The following STK3 variants were observed in gnomAD, a reference collection of about 807,000 sequenced individuals.
STK3 encodes serine/threonine-protein kinase 3.
In STK3, 41 loss-of-function variants were observed where a neutral mutation model predicts 58.0. The ratio of observed to expected loss-of-function variants is 0.71; its 90% CI spans 0.55 to 0.92. The LOEUF (loss-of-function observed/expected upper bound fraction) is 0.92, where lower values mean the gene tolerates loss of function less well. Among genes scored for constraint, STK3 ranks in the 40% least tolerant of loss-of-function variants. STK3 has a pLI of 0.00. For synonymous variants in STK3, 170 were observed against 191.0 expected, an observed-to-expected ratio of 0.89 and a Z score of 0.91; for missense variants, 479 against 602.7, an observed-to-expected ratio of 0.79 and a Z score of 2.15.
At chr8:98,913,112 T>C (rs1455588008) in intron 1 of STK3, among the ~76,000 whole-genome samples, 1 of 145,970 alleles carries the variant, frequency 6.9e-6, no homozygotes, top group African/African-American at 2.6e-5. Flanking sequence ...TTTTAAAAAT[T>C]AGGGGTTCAC....
intron 3 of STK3, among the ~76,000 whole-genome samples, chr8:98,852,980 C>T (rs1026965425): frequency 3.9e-5 from 6 of 151,992 alleles, no homozygotes; most frequent in African/African-American, 1.2e-4. Context: ...AATAAAGGCT[C>T]AGCTTTTATA....
At chr8:98,519,833 T>C (rs1353090142) in intron 10 of STK3, among the ~76,000 whole-genome samples, 1 of 152,134 alleles carries the variant, frequency 6.6e-6, no homozygotes, top group East Asian at 1.9e-4. Context: ...TCAGAGTAAT[T>C]AAGAAATGTT....
intron 4 of STK3, among the ~76,000 whole-genome samples, chr8:98,711,044 T>G (rs940267123): frequency 4.6e-5 from 7 of 152,204 alleles, no homozygotes; most frequent in African/African-American, 1.4e-4. Flanking sequence ...GGAGTGGACC[T>G]CCAGCAAACT....
intron 3 of STK3, among the ~76,000 whole-genome samples, chr8:98,412,144 G>A (rs970484477): frequency 6.6e-6 from 1 of 152,162 alleles, no homozygotes; most frequent in African/African-American, 2.4e-5. Flanking sequence ...TGCTGCCTGC[G>A]ATAGTAGCTC....
At chr8:98,495,359 C>T (rs2131338849) in intron 10 of STK3, among the ~76,000 whole-genome samples, 1 of 152,172 alleles carries the variant, frequency 6.6e-6, no homozygotes, top group Non-Finnish European at 1.5e-5. Flanking sequence ...TTCTATATTA[C>T]AGGTACTTTT....
intron 10 of STK3, among the ~76,000 whole-genome samples, chr8:98,462,643 A>G (rs913852172): frequency 2.0e-4 from 31 of 152,134 alleles, no homozygotes; most frequent in Admixed American, 3.3e-4. Context: ...AGAGAACTTC[A>G]AAGTACTCAC....
At chr8:98,627,111 G>A (rs1348058097) in intron 6 of STK3, among the ~76,000 whole-genome samples, 1 of 152,172 alleles carries the variant, frequency 6.6e-6, no homozygotes, top group Non-Finnish European at 1.5e-5. Flanking sequence ...AGGCGCAGTG[G>A]CTCATGCTTG....
At chr8:98,681,326 C>T (rs1823631915) in intron 6 of STK3, among the ~76,000 whole-genome samples, 1 of 151,876 alleles carries the variant, frequency 6.6e-6, no homozygotes, top group South Asian at 2.1e-4. Context: ...TACTCTCTAA[C>T]CCCCAAAGCG....
chr8:98,365,491 A>G, the STK3 span, among the ~76,000 whole-genome samples: 66 of 152,360 alleles, frequency 4.3e-4, 1 homozygote, highest in South Asian at 0.012. Context: ...TATTTTTAAA[A>G]GGAAAAATCA....
At chr8:98,375,517 C>T (rs899929131) in intron 2 of STK3, among the ~76,000 whole-genome samples, 7 of 152,160 alleles carry the variant, frequency 4.6e-5, no homozygotes, top group Non-Finnish European at 1.0e-4. Flanking sequence ...TGAACTGTTT[C>T]ATCACCTGTA....
intron 6 of STK3, among the ~76,000 whole-genome samples, chr8:98,631,950 C>T (rs1392714620): frequency 6.6e-6 from 1 of 152,250 alleles, no homozygotes; most frequent in African/African-American, 2.4e-5. Context: ...CAGGCGTGGG[C>T]CACTGTGCCC....
chr8:98,354,217 T>C, the STK3 span, among the ~76,000 whole-genome samples: 1 of 152,238 alleles, frequency 6.6e-6, no homozygotes. Context: ...AGGTCCTAAG[T>C]CCTGGTCCAA....
intron 7 of STK3, among the ~76,000 whole-genome samples, chr8:98,592,733 C>CTTTATTTATTTATTTA (rs10557286): frequency 4.3e-5 from 6 of 139,550 alleles, no homozygotes; most frequent in East Asian, 2.1e-4. Flanking sequence ...CACTGACTTA[C>CTTTATTTATTTATTTA]TTTATTTATT....
intron 10 of STK3, among the ~76,000 whole-genome samples, chr8:98,482,435 C>T (rs1207442258): frequency 6.6e-6 from 1 of 152,094 alleles, no homozygotes; most frequent in Non-Finnish European, 1.5e-5. Flanking sequence ...ATAAAAAATA[C>T]ATGTAAGTAT....
chr8:98,371,987 G>C (rs574556280), intron 2 of STK3, among the ~76,000 whole-genome samples: 2 of 152,190 alleles, frequency 1.3e-5, no homozygotes, highest in African/African-American at 2.4e-5. Context: ...ATCAGGGGGA[G>C]GGGGGTCCTT....
chr8:98,612,649 A>C (rs1269809882), intron 6 of STK3, among the ~76,000 whole-genome samples: 2 of 152,046 alleles, frequency 1.3e-5, no homozygotes, highest in Non-Finnish European at 2.9e-5. Flanking sequence ...ACAAACAAAA[A>C]AGCTCCGACA....
chr8:98,829,681 C>A (rs1043922857), upstream of STK3, among the ~76,000 whole-genome samples: 1 of 152,158 alleles, frequency 6.6e-6, no homozygotes, highest in African/African-American at 2.4e-5. Flanking sequence ...CTTTAAGACT[C>A]CAAAGCTGGA....
At chr8:98,514,162 C>A (rs1264647775) in intron 10 of STK3, among the ~76,000 whole-genome samples, 1 of 152,070 alleles carries the variant, frequency 6.6e-6, no homozygotes, top group Non-Finnish European at 1.5e-5. Flanking sequence ...AGCATGCCAA[C>A]AGTCTTAGGC....
chr8:98,582,627 T>C (rs1814020024), intron 7 of STK3, among the ~76,000 whole-genome samples: 1 of 152,168 alleles, frequency 6.6e-6, no homozygotes, highest in African/African-American at 2.4e-5. Flanking sequence ...ACTTTGTTTT[T>C]CCCTCACTGA....
Sources: allele counts gnomAD v4.1 joint callset (sites outside exome capture counted in the v4.1 genomes callset), GRCh38; gene constraint gnomAD v4.1.1; transcripts MANE v1.5; gene names NCBI Gene and HGNC (gene_info 2026-07-23, HGNC 2026-07-21).